The following CAST variants were observed in gnomAD, a reference collection of about 807,000 sequenced individuals.
CAST encodes MIR583 host.
A neutral mutation model predicts 119.6 loss-of-function variants in CAST; 76 were observed. That is an observed-to-expected ratio of 0.64 (90% CI 0.53 to 0.77). The LOEUF (loss-of-function observed/expected upper bound fraction) is 0.77. CAST is among the 30% of genes least tolerant of loss of function. The pLI is 0.00. For missense variants in CAST, 953 were observed against 946.5 expected (o/e 1.01, Z -0.09); for synonymous variants, 319 against 331.6 (o/e 0.96, Z 0.41).
intron 1 of CAST, among the ~76,000 whole-genome samples, chr5:96,642,877 C>G (rs1561437889): frequency 6.6e-6 from 1 of 152,136 alleles, no homozygotes; most frequent in Admixed American, 6.5e-5. Context: ...ATATGTACTA[C>G]AGACTGTTTC....
the CAST span, among the ~76,000 whole-genome samples, chr5:96,368,228 G>T: frequency 1.3e-5 from 2 of 151,568 alleles, no homozygotes; most frequent in Non-Finnish European, 2.9e-5. Context: ...GGCTGGGCAC[G>T]ATAGCTCACT....
the CAST span, among the ~76,000 whole-genome samples, chr5:96,122,423 G>A: frequency 5.4e-4 from 82 of 152,050 alleles, 1 homozygote; most frequent in Admixed American, 2.8e-3. Context: ...TCCTTCCTTG[G>A]ATTTGTGAAT....
chr5:96,557,698 C>G (rs894168567), intron 1 of CAST, among the ~76,000 whole-genome samples: 1 of 152,182 alleles, frequency 6.6e-6, no homozygotes, highest in Non-Finnish European at 1.5e-5. Flanking sequence ...CACCCAGATT[C>G]ATAAACCAAG....
At chr5:96,243,457 T>A in the CAST span, among the ~76,000 whole-genome samples, 2 of 152,126 alleles carry the variant, frequency 1.3e-5, no homozygotes, top group East Asian at 1.9e-4. Context: ...TTTACATTTT[T>A]AAAATTTTTT....
chr5:96,359,927 T>C, the CAST span, among the ~76,000 whole-genome samples: 1 of 152,210 alleles, frequency 6.6e-6, no homozygotes, highest in Non-Finnish European at 1.5e-5. Context: ...CTGAAGGGTG[T>C]CTTCCAACTT....
At chr5:96,482,760 C>A in the CAST span, among the ~76,000 whole-genome samples, 2 of 152,066 alleles carry the variant, frequency 1.3e-5, no homozygotes, top group Non-Finnish European at 2.9e-5. Context: ...CGTGGCCTTC[C>A]ATTCTGAACT....
the CAST span, among the ~76,000 whole-genome samples, chr5:96,104,673 C>A: frequency 1.3e-5 from 2 of 150,508 alleles, no homozygotes; most frequent in Non-Finnish European, 3.0e-5. Flanking sequence ...TAGTGTGATG[C>A]CTCCAGCTTT....
chr5:96,520,295 G>T (rs1345138700), upstream of CAST, among the ~76,000 whole-genome samples: 1 of 152,228 alleles, frequency 6.6e-6, no homozygotes, highest in African/African-American at 2.4e-5. Flanking sequence ...CTTCTGCTAT[G>T]TCCGAGGGTG....
chr5:96,501,069 G>A, the CAST span, among the ~76,000 whole-genome samples: 2 of 152,146 alleles, frequency 1.3e-5, no homozygotes, highest in Non-Finnish European at 2.9e-5. Flanking sequence ...ACAAAGTCAG[G>A]TAGAGTGCCT....
At chr5:96,737,260 A>G (rs1761853598) in intron 10 of CAST, among the ~76,000 whole-genome samples, 1 of 152,192 alleles carries the variant, frequency 6.6e-6, no homozygotes, top group East Asian at 1.9e-4. Flanking sequence ...AGTTCTTGTA[A>G]GTTTAATGTC....
chr5:96,238,341 TTCTTCATCTTCA>T, the CAST span, among the ~76,000 whole-genome samples: 189 of 123,776 alleles, frequency 1.5e-3, 2 homozygotes, highest in African/African-American at 5.9e-3. Context: ...CTTCTTCTTC[TTCTTCATCTTCA>T]TCTTCTTCTT....
At chr5:96,660,683 G>C (rs916336852), upstream of CAST, among the ~76,000 whole-genome samples, 1 of 152,094 alleles carries the variant, frequency 6.6e-6, no homozygotes, top group Non-Finnish European at 1.5e-5. Flanking sequence ...GGCCAGGAAG[G>C]AGGAGCTGCC....
the CAST span, among the ~76,000 whole-genome samples, chr5:95,971,806 A>C: frequency 6.6e-6 from 1 of 152,222 alleles, no homozygotes; most frequent in South Asian, 2.1e-4. Context: ...TTTATTGCTC[A>C]ATACTATTCC....
the CAST span, among the ~76,000 whole-genome samples, chr5:95,976,161 C>G: frequency 9.2e-5 from 14 of 151,400 alleles, no homozygotes; most frequent in South Asian, 6.3e-4. Flanking sequence ...CAATCAAAAT[C>G]TAGATTCTCC....
the CAST span, among the ~76,000 whole-genome samples, chr5:96,173,437 C>T: frequency 4.6e-5 from 7 of 152,242 alleles, no homozygotes; most frequent in East Asian, 1.2e-3. Context: ...AATAATGGTA[C>T]TTACAAGGAG....
intron 3 of CAST, among the ~76,000 whole-genome samples, chr5:96,704,768 T>C (rs2150330661): frequency 6.6e-6 from 1 of 152,374 alleles, no homozygotes; most frequent in Middle Eastern, 3.4e-3. Context: ...ATACATAGAA[T>C]TAGCAATCTG....
chr5:96,563,695 A>G (rs1358989807), intron 1 of CAST, among the ~76,000 whole-genome samples: 2 of 152,198 alleles, frequency 1.3e-5, no homozygotes. Flanking sequence ...AGATTACGGT[A>G]TACGGTATAT....
the CAST span, among the ~76,000 whole-genome samples, chr5:96,434,926 A>G: frequency 6.6e-6 from 1 of 152,236 alleles, no homozygotes; most frequent in South Asian, 2.1e-4. Flanking sequence ...GTGTTTTACA[A>G]TAATGTAACT....
intron 1 of CAST, among the ~76,000 whole-genome samples, chr5:96,621,001 T>C (rs1475403900): frequency 6.6e-6 from 1 of 152,178 alleles, no homozygotes; most frequent in African/African-American, 2.4e-5. Context: ...GCAAAGCCGG[T>C]TCTTAACTCT....
Sources: gnomAD v4.1 joint callset for allele counts (sites outside exome capture counted in the v4.1 genomes callset) on GRCh38, gnomAD v4.1.1 for gene constraint, MANE v1.5 for transcripts, NCBI Gene and HGNC (gene_info 2026-07-23, HGNC 2026-07-21) for gene names.